The following TNKS variants were observed in gnomAD, a reference collection of about 807,000 sequenced individuals.
The protein encoded by TNKS is poly [ADP-ribose] polymerase tankyrase-1.
A neutral mutation model predicts 135.8 loss-of-function variants in TNKS; 72 were observed. The ratio of observed to expected loss-of-function variants is 0.53; its 90% CI spans 0.44 to 0.64. The LOEUF (loss-of-function observed/expected upper bound fraction) is 0.64, where lower values mean the gene tolerates loss of function less well. Among genes scored for constraint, TNKS ranks in the 30% least tolerant of loss-of-function variants. The probability of loss-of-function intolerance (pLI) is 0.00; values close to 1 mark genes in which losing one functional copy is unlikely to be tolerated. For missense variants in TNKS, 1,769 were observed against 1,674.0 expected (o/e 1.06, Z -0.99); for synonymous variants, 849 against 649.3 (o/e 1.31, Z -4.68).
chr8:9,772,018 G>A (rs1219593679), intron 26 of TNKS, among the ~76,000 whole-genome samples: 5 of 119,942 alleles, frequency 4.2e-5, no homozygotes, highest in Non-Finnish European at 7.0e-5. Context: ...GGATGGGGGA[G>A]GGAGAAAGGG....
At chr8:9,620,324 C>T (rs549658705) in intron 3 of TNKS, among the ~76,000 whole-genome samples, 1 of 152,280 alleles carries the variant, frequency 6.6e-6, no homozygotes, top group African/African-American at 2.4e-5. Context: ...AATTCCCAAT[C>T]TGACCGTTTC....
chr8:9,758,790 C>T (rs935003597), intron 20 of TNKS, among the ~76,000 whole-genome samples: 2 of 152,224 alleles, frequency 1.3e-5, no homozygotes, highest in African/African-American at 4.8e-5. Flanking sequence ...TTACCTGCTG[C>T]TGCTTGATAA....
chr8:9,681,551 T>A (rs533627619), intron 5 of TNKS, among the ~76,000 whole-genome samples: 36 of 152,208 alleles, frequency 2.4e-4, no homozygotes, highest in Non-Finnish European at 3.7e-4. Flanking sequence ...GGTTTTTTTT[T>A]AAATGAGAGT....
chr8:9,599,214 A>G (rs991165493), intron 2 of TNKS, among the ~76,000 whole-genome samples: 3 of 152,164 alleles, frequency 2.0e-5, no homozygotes, highest in African/African-American at 7.2e-5. Flanking sequence ...TCCTAGGGCT[A>G]TTATCAGTTT....
At chr8:9,623,088 T>A (rs764477745) in intron 3 of TNKS, among the ~76,000 whole-genome samples, 45 of 152,238 alleles carry the variant, frequency 3.0e-4, no homozygotes, top group Non-Finnish European at 4.3e-4. Context: ...CTAATTGTAC[T>A]GTATTCACCT....
intron 3 of TNKS, among the ~76,000 whole-genome samples, chr8:9,653,818 C>G (rs1167052523): frequency 6.6e-6 from 1 of 152,148 alleles, no homozygotes; most frequent in Admixed American, 6.5e-5. Context: ...TGCTGGCTCC[C>G]CTCACTCTTG....
At chr8:9,660,245 G>C (rs1367162292) in intron 3 of TNKS, among the ~76,000 whole-genome samples, 1 of 152,198 alleles carries the variant, frequency 6.6e-6, no homozygotes, top group African/African-American at 2.4e-5. Context: ...TATGAGGCCA[G>C]CATCATCCTG....
At chr8:9,582,799 C>G (rs1468424211) in intron 2 of TNKS, among the ~76,000 whole-genome samples, 3 of 152,158 alleles carry the variant, frequency 2.0e-5, no homozygotes, top group Admixed American at 1.3e-4. Flanking sequence ...GCTAAAATCT[C>G]AGCCTGAATT....
At chr8:9,685,728 A>T (rs1397709109) in intron 5 of TNKS, among the ~76,000 whole-genome samples, 1 of 152,244 alleles carries the variant, frequency 6.6e-6, no homozygotes, top group Non-Finnish European at 1.5e-5. Flanking sequence ...TTAGCAGCTT[A>T]TAAATTCAGA....
At chr8:9,765,512 A>T (rs971465451) in intron 23 of TNKS, among the ~76,000 whole-genome samples, 180 bp from the exon 24 acceptor site, 1 of 152,182 alleles carries the variant, frequency 6.6e-6, no homozygotes, top group Non-Finnish European at 1.5e-5. Flanking sequence ...GTAACTGAAA[A>T]TTATGTCACT....
rs942807553 is a variant in TNKS, at chr8:9,752,670, A to G, written c.3153+44A>G. The G allele has an allele frequency of 3.7e-6, 5 of 1,344,370 alleles. No individual in the cohort carries two copies. The African/African-American group carries it at 5.8e-5, about 16-fold the overall frequency. 83.3% of individuals were successfully genotyped at this position (1,344,370 alleles called of 1,614,324 possible). The stretch of plus-strand genomic sequence containing the variant: ...ATTTGAGTCATTTAAATTAAATACT[A>G]AGATTAGGCTGGATGCAGTGGTTCA... On this transcript the variant is annotated intron_variant, in intron 20 of 26. Transcript: ENST00000310430.
chr8:9,707,596 G>T (rs1257854300), intron 8 of TNKS, among the ~76,000 whole-genome samples: 1 of 152,106 alleles, frequency 6.6e-6, no homozygotes. Flanking sequence ...GTCATCTTCT[G>T]AATATATTAC....
chr8:9,639,985 A>G (rs28670269), intron 3 of TNKS, among the ~76,000 whole-genome samples: 1,802 of 152,328 alleles, frequency 0.012, 28 homozygotes, highest in African/African-American at 0.042. Flanking sequence ...GTAGAAAAGC[A>G]TCGTGGGCTG....
intron 18 of TNKS, among the ~76,000 whole-genome samples, chr8:9,749,885 G>A (rs1402019709): frequency 1.3e-5 from 2 of 152,134 alleles, no homozygotes; most frequent in Non-Finnish European, 2.9e-5. Context: ...CCTGCTCCTA[G>A]AAATTTTCGG....
At chr8:9,665,254 C>T (rs1020591504) in intron 3 of TNKS, among the ~76,000 whole-genome samples, 5 of 152,180 alleles carry the variant, frequency 3.3e-5, no homozygotes, top group African/African-American at 1.2e-4. Context: ...AGTCTGGAGT[C>T]AGTTTTTAGT....
At chr8:9,707,649 C>T (rs6601347) in intron 8 of TNKS, among the ~76,000 whole-genome samples, 106,285 of 152,036 alleles carry the variant, frequency 0.7, 37,501 homozygotes, top group Middle Eastern at 0.8. Flanking sequence ...CTTTTTGTTT[C>T]AGCATAGTTA....
chr8:9,771,446 A>G, intron 26 of TNKS, among the ~76,000 whole-genome samples: 1 of 81,406 alleles, frequency 1.2e-5, no homozygotes, highest in African/African-American at 4.3e-5. Flanking sequence ...GAGGAAAGGA[A>G]AAGAGAGAGA....
intron 17 of TNKS, among the ~76,000 whole-genome samples, chr8:9,742,620 G>A (rs1806025492): frequency 6.6e-6 from 1 of 151,294 alleles, no homozygotes; most frequent in Non-Finnish European, 1.5e-5. Flanking sequence ...CACGTTGGGA[G>A]GCTGAGACAG....
chr8:9,741,726 C>T (rs760727624), intron 17 of TNKS: 2 of 530,110 alleles, frequency 3.8e-6, no homozygotes, highest in East Asian at 5.5e-5. Flanking sequence ...GTAAAATGTA[C>T]AGTGGTTCTC....
Sources: gnomAD v4.1 joint callset for allele counts (sites outside exome capture counted in the v4.1 genomes callset) on GRCh38, gnomAD v4.1.1 for gene constraint, MANE v1.5 for transcripts, NCBI Gene and HGNC (gene_info 2026-07-23, HGNC 2026-07-21) for gene names.